The following ECE1 variants were observed in gnomAD, a reference collection of about 807,000 sequenced individuals.
ECE1 encodes the protein endothelin converting enzyme 1.
ECE1 carries 35 observed loss-of-function variants against 98.6 expected under a neutral mutation model. The ratio of observed to expected loss-of-function variants is 0.35; its 90% CI spans 0.27 to 0.47. The LOEUF (loss-of-function observed/expected upper bound fraction) is 0.47, where lower values mean the gene tolerates loss of function less well. Among genes scored for constraint, ECE1 ranks in the 20% least tolerant of loss-of-function variants. The pLI, the probability that ECE1 is intolerant of heterozygous loss-of-function variation, is 1.00. For synonymous variants in ECE1, 394 were observed against 407.1 expected (o/e 0.97, Z 0.39); for missense variants, 814 against 1,025.3 (o/e 0.79, Z 2.81).
In ECE1 at chr1:21,307,426, C is replaced by T. The variant is rs1638624020; in HGVS notation, c.4-17270G>A. 6.6e-6 allele frequency among the ~76,000 whole-genome samples: 1 copy of T among 152,076 alleles called. No individual in the cohort carries two copies. Among genetic ancestry groups the T allele is most frequent in the South Asian group, 2.1e-4 (1 of 4,828 alleles). On this transcript the variant is annotated intron_variant, in intron 1 of 18. Transcript: ENST00000415912. The surrounding 1 kb of genome is among the most constrained non-coding windows in gnomAD (Gnocchi z 4.2). The stretch of plus-strand genomic sequence containing the variant: ...GGTGAGGGTGGCAGTGGCTTCCTTG[C>T]CGGGGGTTATGAGCATCTAGTGAGA...
chr1:21,226,511 A>G (rs1367019551), intron 16 of ECE1, among the ~76,000 whole-genome samples: 1 of 152,180 alleles, frequency 6.6e-6, no homozygotes, highest in African/African-American at 2.4e-5. Flanking sequence ...GGATGCAGAA[A>G]GCAGAGGCAG....
intron 1 of ECE1, among the ~76,000 whole-genome samples, chr1:21,309,848 G>A (rs1400196041): frequency 5.5e-4 from 80 of 145,750 alleles, no homozygotes; most frequent in Middle Eastern, 3.8e-3. Flanking sequence ...CTAGAGTGTA[G>A]TGGCGCGATC....
At chr1:21,272,590 C>T in intron 4 of ECE1, 109 bp downstream of exon 4, 3 of 1,357,364 alleles carry the variant, frequency 2.2e-6, no homozygotes, top group Admixed American at 3.8e-5. Flanking sequence ...CCGTGCCCGG[C>T]CCATTCTGCC....
chr1:21,253,020 G>A (rs1438631009), intron 8 of ECE1, among the ~76,000 whole-genome samples: 1 of 150,996 alleles, frequency 6.6e-6, no homozygotes, highest in Non-Finnish European at 1.5e-5. Context: ...GCTTCAGGGG[G>A]CCAGGACTTC....
At chr1:21,304,465 C>T (rs938512789) in intron 1 of ECE1, among the ~76,000 whole-genome samples, 3 of 152,140 alleles carry the variant, frequency 2.0e-5, no homozygotes, top group African/African-American at 7.2e-5. Context: ...TTATCTCCTC[C>T]TCACTGTGGC....
chr1:21,226,888 G>A (rs894539459), intron 16 of ECE1, among the ~76,000 whole-genome samples: 1 of 152,046 alleles, frequency 6.6e-6, no homozygotes, highest in Non-Finnish European at 1.5e-5. Flanking sequence ...ACCATGCCCG[G>A]GTAATTTTTT....
At chr1:21,325,126 G>A (rs1006481688) in intron 1 of ECE1, among the ~76,000 whole-genome samples, 2 of 152,160 alleles carry the variant, frequency 1.3e-5, no homozygotes, top group African/African-American at 4.8e-5. Context: ...TTTGTGTACT[G>A]GATTCAATTT....
At chr1:21,321,968 C>T (rs1264581141) in intron 1 of ECE1, among the ~76,000 whole-genome samples, 6 of 152,204 alleles carry the variant, frequency 3.9e-5, no homozygotes, top group African/African-American at 1.4e-4. Context: ...AAGAATGCTT[C>T]CTCAGGATCT....
At position 21,233,209 on chromosome 1, in the gene ECE1, C is replaced by A. The variant is rs7551107; in HGVS notation, c.1670+349G>T. On this transcript the variant is annotated intron_variant, in intron 14 of 18. Transcript: ENST00000374893. The surrounding 1 kb of genome is among the most constrained non-coding windows in gnomAD (Gnocchi z 4.0). Reference sequence around the variant, plus strand: ...TCACATTTGACTGCCATGAGGACCCCAGAACCAGCTCCTCCCATCCTATTC... The same window carrying A: ...TCACATTTGACTGCCATGAGGACCCAAGAACCAGCTCCTCCCATCCTATTC... 112,856 of 239,044 alleles carry A rather than the reference C, an allele frequency of 0.47. 28,808 individuals carry two copies. The highest frequency in any genetic ancestry group is 0.71 in the African/African-American group (31,379 of 44,156). 14.8% of individuals were successfully genotyped at this position (239,044 alleles called of 1,614,324 possible). A position where few individuals can be genotyped will look rare whatever the true frequency, so the allele number is the denominator to read the frequency against.
intron 1 of ECE1, among the ~76,000 whole-genome samples, chr1:21,317,789 G>A (rs1021154887): frequency 1.3e-5 from 2 of 152,306 alleles, no homozygotes; most frequent in African/African-American, 2.4e-5. Context: ...GGAGACGCAC[G>A]AGTGGGTCAG....
In ECE1 at chr1:21,272,875, G is replaced by A. The variant is rs1466947729; in HGVS notation, c.317C>T (p.Ser106Leu). The A allele has an allele frequency of 2.5e-6, 4 of 1,614,252 alleles. No homozygotes were observed. In the South Asian group the frequency reaches 4.4e-5, roughly 18 times the overall value. The change falls in exon 4 of 19, where the codon TCA (serine) becomes TTA (leucine). Residue 106 changes from serine to leucine, a missense_variant. Physicochemically the swap from Ser to Leu is moderately radical, Grantham distance 145. Coordinates refer to ENST00000374893, the MANE Select transcript of ECE1 (RefSeq NM_001397.3). The part of the protein sequence containing the change: ...PSVCLSEACV[S>L]VTSSILSSMD... The stretch of plus-strand genomic sequence containing the variant: ...GGAGCTCAAGATGGAGCTGGTCACT[G>A]AGACACAAGCTTCGCTCAGGCACAC...
chr1:21,245,777 T>C (rs1343006684), intron 9 of ECE1, among the ~76,000 whole-genome samples: 1 of 152,204 alleles, frequency 6.6e-6, no homozygotes, highest in African/African-American at 2.4e-5. Flanking sequence ...GCAGAGGTTT[T>C]GAGATGACAA....
At chr1:21,283,160 CTCAA>C (rs1356809640) in intron 2 of ECE1, among the ~76,000 whole-genome samples, 2 of 151,964 alleles carry the variant, frequency 1.3e-5, no homozygotes, top group Non-Finnish European at 2.9e-5. Context: ...CCAGGATGGT[CTCAA>C]TCAATCTCCT....
intron 2 of ECE1, among the ~76,000 whole-genome samples, chr1:21,282,314 G>A (rs537834016): frequency 4.6e-5 from 7 of 151,406 alleles, no homozygotes; most frequent in Non-Finnish European, 7.4e-5. Context: ...GAGGCCAGGC[G>A]CAGTGGCTCA....
intron 1 of ECE1, among the ~76,000 whole-genome samples, chr1:21,311,014 A>G (rs1392568778): frequency 6.6e-6 from 1 of 152,206 alleles, no homozygotes; most frequent in Non-Finnish European, 1.5e-5. Context: ...CCCTGTGAGG[A>G]AAGCTGGACC....
In ECE1 at chr1:21,321,151, G is replaced by T. The variant is rs139663134; in HGVS notation, c.3+24225C>A. 1.9e-4 allele frequency among the ~76,000 whole-genome samples: 29 copies of T among 152,326 alleles called. 1 individual carries two copies. The highest frequency in any genetic ancestry group is 6.0e-4 in the African/African-American group (25 of 41,570). On this transcript the variant is annotated intron_variant, in intron 1 of 18. Transcript: ENST00000415912. ...TTGCCAAGGGTCCCAGAGCTAGTGC[G>T]TGGCGGAGCTGGGGACTCAAACCCA...
At chr1:21,273,338 C>A (rs895484576) in intron 3 of ECE1, among the ~76,000 whole-genome samples, 1 of 122,230 alleles carries the variant, frequency 8.2e-6, no homozygotes, top group African/African-American at 2.8e-5. Context: ...TGTGCCCGTG[C>A]GTGTGTGCGT....
intron 3 of ECE1, among the ~76,000 whole-genome samples, 196 bp downstream of exon 3, chr1:21,278,995 G>T (rs1236948567): frequency 6.6e-6 from 1 of 152,156 alleles, no homozygotes; most frequent in African/African-American, 2.4e-5. Flanking sequence ...GGACTCAAGT[G>T]CGAGACCTTT....
chr1:21,343,023 A>C (rs1038515165), intron 1 of ECE1, among the ~76,000 whole-genome samples: 1 of 152,064 alleles, frequency 6.6e-6, no homozygotes, highest in African/African-American at 2.4e-5. Flanking sequence ...CCTTTCCAGG[A>C]GCCTGTCCTG....
Sources: gnomAD v4.1 joint callset for allele counts (sites outside exome capture counted in the v4.1 genomes callset) on GRCh38, gnomAD v4.1.1 for gene constraint, Gnocchi (gnomAD v3.1) non-coding constraint, MANE v1.5 for transcripts, NCBI Gene and HGNC (gene_info 2026-07-23, HGNC 2026-07-21) for gene names.